SLCO1C1: variants seen among roughly 807,000 people sequenced by gnomAD.
The protein encoded by SLCO1C1 is OAT-RP-5.
SLCO1C1 carries 70 observed loss-of-function variants against 76.4 expected under a neutral mutation model. The observed-to-expected ratio is 0.92, with a 90% CI of 0.76 to 1.12. SLCO1C1 has a LOEUF of 1.12. SLCO1C1 is among the 50% of genes most tolerant of loss of function. SLCO1C1 has a pLI of 0.00. For missense variants in SLCO1C1, 912 were observed against 823.8 expected, an observed-to-expected ratio of 1.11 and a Z score of -1.31; for synonymous variants, 306 against 286.1, an observed-to-expected ratio of 1.07 and a Z score of -0.70.
At chr12:20,740,509 A>G (rs2120878167) in intron 12 of SLCO1C1, 141 bp downstream of exon 12, 1 of 723,506 alleles carries the variant, frequency 1.4e-6, no homozygotes, top group Admixed American at 3.3e-5. Context: ...TCACTTTTAT[A>G]TATATCGCAC....
At chr12:20,742,309 C>T (rs1316111612) in intron 12 of SLCO1C1, among the ~76,000 whole-genome samples, 1 of 148,142 alleles carries the variant, frequency 6.8e-6, no homozygotes, top group Non-Finnish European at 1.5e-5. Flanking sequence ...GAAGGACTCC[C>T]TTGGGTTGAA....
chr12:20,749,980 C>T (rs938398814), intron 13 of SLCO1C1, among the ~76,000 whole-genome samples: 2 of 152,140 alleles, frequency 1.3e-5, no homozygotes, highest in African/African-American at 2.4e-5. Context: ...GAGGAGAGAA[C>T]ATTTTAGTCA....
At chr12:20,733,648 C>T (rs1948400647) in intron 10 of SLCO1C1, among the ~76,000 whole-genome samples, 4 of 152,182 alleles carry the variant, frequency 2.6e-5, no homozygotes, top group Admixed American at 2.6e-4. Flanking sequence ...TCCATAGTTG[C>T]TGTTGTGCTT....
intron 9 of SLCO1C1, among the ~76,000 whole-genome samples, chr12:20,727,852 C>T (rs1948099571): frequency 6.6e-6 from 1 of 152,144 alleles, no homozygotes; most frequent in Non-Finnish European, 1.5e-5. Flanking sequence ...CCGTTGTCTA[C>T]TTTTTAATGG....
intron 4 of SLCO1C1, 146 bp downstream of exon 4, chr12:20,706,227 C>A: frequency 9.4e-7 from 1 of 1,066,054 alleles, no homozygotes; most frequent in Non-Finnish European, 1.3e-6. Context: ...TAAAATTTCA[C>A]AACAATTTTA....
intron 7 of SLCO1C1, among the ~76,000 whole-genome samples, chr12:20,717,692 TACTCTGCAAGTC>T (rs1947448901): frequency 8.5e-6 from 1 of 117,162 alleles, no homozygotes; most frequent in African/African-American, 3.3e-5. Flanking sequence ...TTTTTTTTTT[TACTCTGCAAGTC>T]ATTTTTAGGT....
chr12:20,702,682 T>G (rs1190036815), intron 3 of SLCO1C1, among the ~76,000 whole-genome samples: 1 of 151,804 alleles, frequency 6.6e-6, no homozygotes, highest in Non-Finnish European at 1.5e-5. Context: ...GTTCTACTGA[T>G]GGCCCTGCAC....
chr12:20,747,527 T>A (rs1949103858), intron 13 of SLCO1C1, among the ~76,000 whole-genome samples: 1 of 152,200 alleles, frequency 6.6e-6, no homozygotes, highest in Admixed American at 6.5e-5. Context: ...GTTAATTATA[T>A]CATTCTGTCT....
intron 9 of SLCO1C1, among the ~76,000 whole-genome samples, chr12:20,728,598 C>T (rs1352232869): frequency 6.6e-6 from 1 of 151,608 alleles, no homozygotes; most frequent in Non-Finnish European, 1.5e-5. Flanking sequence ...TTATAAAAAA[C>T]ATTATTTTTT....
chr12:20,714,940 C>G (rs975642428), intron 5 of SLCO1C1, among the ~76,000 whole-genome samples, 199 bp from the exon 6 acceptor site: 2 of 152,156 alleles, frequency 1.3e-5, no homozygotes, highest in African/African-American at 4.8e-5. Context: ...TTGGTGAAGT[C>G]TCTTGGGGAT....
intron 9 of SLCO1C1, among the ~76,000 whole-genome samples, chr12:20,728,999 C>T (rs547057884): frequency 6.3e-4 from 96 of 152,144 alleles, no homozygotes; most frequent in Non-Finnish European, 1.0e-3. Flanking sequence ...AAATTTTAGA[C>T]GCTAGTGTAA....
At chr12:20,719,586 T>C (rs566352077) in intron 7 of SLCO1C1, among the ~76,000 whole-genome samples, 2 of 152,264 alleles carry the variant, frequency 1.3e-5, no homozygotes, top group African/African-American at 4.8e-5. Flanking sequence ...AATAGCCTTA[T>C]TGAGATAAAG....
chr12:20,730,342 A>C lies in SLCO1C1; in HGVS notation c.1187-2567A>C, dbSNP rs573704293. Among the ~76,000 whole-genome samples, 37 of 152,268 alleles carry C rather than the reference A, an allele frequency of 2.4e-4. No individual in the cohort carries two copies. In the South Asian group the frequency reaches 7.5e-3, roughly 31 times the overall value. On this transcript the variant is annotated intron_variant, in intron 9 of 14. Coordinates refer to ENST00000266509, the MANE Select transcript of SLCO1C1 (RefSeq NM_017435.5). ...GTAAAAGTAGGCACTTCAAGGATAT[A>C]TATCAAATTCATAGCAGCACTTACT...
Position 20,743,297 on chromosome 12 carries a change from G to T in SLCO1C1, c.1734-8G>T. The T allele has an allele frequency of 6.2e-7, 1 of 1,611,288 alleles. No homozygotes were observed. The highest frequency in any genetic ancestry group is 8.5e-7 in the Non-Finnish European group (1 of 1,178,408). ...TATTTCTTGTAATGGTGCTTTTGTT[G>T]ATTTTAGGTGCATTAAGCCACAGCT... On this transcript the variant is annotated splice_polypyrimidine_tract_variant and splice_region_variant and intron_variant, in intron 12 of 14. Coordinates refer to ENST00000266509, the MANE Select transcript of SLCO1C1 (RefSeq NM_017435.5).
At chr12:20,719,039 T>C (rs1309304166) in intron 7 of SLCO1C1, among the ~76,000 whole-genome samples, 1 of 151,930 alleles carries the variant, frequency 6.6e-6, no homozygotes, top group East Asian at 1.9e-4. Flanking sequence ...TCCGATAGCA[T>C]GTGTTCACTT....
At chr12:20,738,696 T>C (rs1948667070) in intron 11 of SLCO1C1, among the ~76,000 whole-genome samples, 1 of 152,178 alleles carries the variant, frequency 6.6e-6, no homozygotes, top group Admixed American at 6.5e-5. Context: ...TTTTTTGTAA[T>C]GAGAGCTACC....
At chr12:20,743,452 C>A in intron 13 of SLCO1C1, 83 bp downstream of exon 13, 1 of 1,132,496 alleles carries the variant, frequency 8.8e-7, no homozygotes, top group Non-Finnish European at 1.3e-6. Flanking sequence ...ACAGAATTGC[C>A]ATGCATAAAT....
intron 9 of SLCO1C1, among the ~76,000 whole-genome samples, chr12:20,724,326 A>C (rs1947824148): frequency 6.7e-6 from 1 of 150,324 alleles, no homozygotes; most frequent in African/African-American, 2.4e-5. Flanking sequence ...CTACATTGAG[A>C]TATAACTTAT....
intron 11 of SLCO1C1, among the ~76,000 whole-genome samples, chr12:20,738,124 C>G (rs1210058961): frequency 6.6e-6 from 1 of 152,100 alleles, no homozygotes. Context: ...GCTACACCCT[C>G]ATGAACTAAT....
Sources: allele counts gnomAD v4.1 joint callset (sites outside exome capture counted in the v4.1 genomes callset), GRCh38; gene constraint gnomAD v4.1.1; transcripts MANE v1.5; gene names NCBI Gene and HGNC (gene_info 2026-07-23, HGNC 2026-07-21).